The following ANKIB1 variants were observed in gnomAD, a reference collection of about 807,000 sequenced individuals.
ANKIB1 encodes ankyrin repeat and IBR domain-containing protein 1.
In ANKIB1, 43 loss-of-function variants were observed where a neutral mutation model predicts 122.1. The ratio of observed to expected loss-of-function variants is 0.35; its 90% CI spans 0.28 to 0.45. ANKIB1 has a LOEUF of 0.45. Ranked by LOEUF, ANKIB1 falls within the 20% of genes least tolerant of loss-of-function variation. ANKIB1 has a pLI of 1.00. For synonymous variants in ANKIB1, 390 were observed against 442.0 expected, an observed-to-expected ratio of 0.88 and a Z score of 1.48; for missense variants, 992 against 1,329.5, an observed-to-expected ratio of 0.75 and a Z score of 3.95.
rs181338159 is a variant in ANKIB1, at chr7:92,395,436, C to A, written c.2284-929C>A. Among the ~76,000 whole-genome samples, 6 of 152,076 alleles carry A rather than the reference C, an allele frequency of 3.9e-5. No individual in the cohort carries two copies. In the East Asian group the frequency reaches 1.2e-3, roughly 29 times the overall value. On this transcript the variant is annotated intron_variant, in intron 17 of 19. Transcript: ENST00000265742. ...TTTGTGAATATGATATGTAGTAGTC[C>A]CAAAGAATAGAAAATCCAACAATCT...
chr7:92,352,692 G>A, intron 9 of ANKIB1, 50 bp downstream of exon 9: 2 of 1,544,922 alleles, frequency 1.3e-6, no homozygotes, highest in Non-Finnish European at 1.7e-6. Flanking sequence ...CTTTCCAATA[G>A]TTATTAAAGA....
intron 4 of ANKIB1, among the ~76,000 whole-genome samples, chr7:92,324,970 T>A (rs958675507): frequency 6.6e-6 from 1 of 152,184 alleles, no homozygotes; most frequent in African/African-American, 2.4e-5. Context: ...TAAAAGTAAG[T>A]GAACATGTAA....
At chr7:92,388,538 G>A (rs965050317) in intron 14 of ANKIB1, among the ~76,000 whole-genome samples, 8 of 152,354 alleles carry the variant, frequency 5.3e-5, no homozygotes, top group Admixed American at 2.0e-4. Flanking sequence ...AAGCCATGAG[G>A]TGGAGCTAAC....
chr7:92,396,012 C>G (rs2115725042), intron 17 of ANKIB1: 1 of 216,942 alleles, frequency 4.6e-6, no homozygotes, highest in Non-Finnish European at 9.0e-6. Flanking sequence ...AATAAAAAAC[C>G]TCCCTTCAAG....
At chr7:92,290,746 A>G (rs1466896593) in intron 1 of ANKIB1, among the ~76,000 whole-genome samples, 1 of 152,194 alleles carries the variant, frequency 6.6e-6, no homozygotes. Flanking sequence ...TTATTAACCT[A>G]TCAATGGTGC....
chr7:92,278,189 T>G (rs1316839641), intron 1 of ANKIB1, among the ~76,000 whole-genome samples: 1 of 152,050 alleles, frequency 6.6e-6, no homozygotes, highest in Admixed American at 6.5e-5. Context: ...AGTTCAAGGT[T>G]TCAGTGAGCT....
At chr7:92,293,704 T>G (rs975509734) in intron 1 of ANKIB1, among the ~76,000 whole-genome samples, 4 of 152,234 alleles carry the variant, frequency 2.6e-5, no homozygotes, top group African/African-American at 9.6e-5. Context: ...GTAAGTTCCT[T>G]ATCTGGTCCC....
chr7:92,304,274 GCTA>G (rs1309305630), intron 2 of ANKIB1, among the ~76,000 whole-genome samples: 2 of 152,066 alleles, frequency 1.3e-5, no homozygotes, highest in Non-Finnish European at 2.9e-5. Context: ...ATGCAGATAT[GCTA>G]CTGTGTCTAA....
rs1441663196 is a variant in ANKIB1 at position 92,400,837 on chromosome 7, C to A, written c.*1888C>A. On this transcript the variant is annotated 3_prime_UTR_variant, in exon 20 of 20. Transcript: ENST00000265742. ...CTACAGTGTATTACTGTATATTAAACTGAAATAGTCCATTAAAGGATTTTT... is the reference window on the plus strand; with the variant it reads ...CTACAGTGTATTACTGTATATTAAAATGAAATAGTCCATTAAAGGATTTTT... 1.3e-5 allele frequency: 2 copies of A among 152,138 alleles called. No homozygotes were observed. The highest frequency in any genetic ancestry group is 6.5e-5 in the Admixed American group (1 of 15,270). The allele number at this position is 152,138 out of a possible 1,614,324, so 9.4% of individuals were successfully genotyped here.
intron 7 of ANKIB1, among the ~76,000 whole-genome samples, chr7:92,348,971 G>A (rs1166888038): frequency 1.3e-5 from 2 of 152,198 alleles, no homozygotes; most frequent in Non-Finnish European, 2.9e-5. Context: ...ATTGAGAAGT[G>A]AATGAGATGG....
chr7:92,386,440 G>A, intron 11 of ANKIB1, 69 bp from the exon 12 acceptor site: 2 of 1,425,214 alleles, frequency 1.4e-6, no homozygotes, highest in Non-Finnish European at 1.9e-6. Flanking sequence ...CAGATTGGTT[G>A]GCTATAAAGC....
At chr7:92,392,874 T>C (rs1804815931) in intron 17 of ANKIB1, among the ~76,000 whole-genome samples, 1 of 152,082 alleles carries the variant, frequency 6.6e-6, no homozygotes, top group Non-Finnish European at 1.5e-5. Context: ...ACACTACAGA[T>C]AGCAGTTGTG....
intron 12 of ANKIB1, 39 bp from the exon 13 acceptor site, chr7:92,387,759 A>C (rs769606330): frequency 4.0e-6 from 6 of 1,508,574 alleles, no homozygotes; most frequent in Non-Finnish European, 5.4e-6. Context: ...AGTAGCTACT[A>C]GTTTTTATAA....
intron 1 of ANKIB1, among the ~76,000 whole-genome samples, chr7:92,270,220 G>A (rs1360762685): frequency 1.3e-5 from 2 of 151,954 alleles, no homozygotes; most frequent in East Asian, 1.9e-4. Context: ...ATGCCACCAT[G>A]CCTGGCTAAA....
intron 1 of ANKIB1, among the ~76,000 whole-genome samples, chr7:92,287,079 A>G (rs1368066643): frequency 5.9e-5 from 9 of 152,144 alleles, no homozygotes; most frequent in African/African-American, 2.2e-4. Context: ...GTAATTTTAG[A>G]CTTATGGAAA....
chr7:92,319,507 C>T lies in ANKIB1; in HGVS notation c.664C>T (p.Arg222Ter). 3 of 1,597,070 alleles carry T rather than the reference C, an allele frequency of 1.9e-6. No homozygotes were observed. The highest frequency in any genetic ancestry group is 2.6e-6 in the Non-Finnish European group (3 of 1,175,850). Residue 222 changes from arginine to a stop codon, truncating the protein, a stop_gained, in exon 4 of 20, where the codon CGA becomes TGA. Transcript: ENST00000265742. LOFTEE classifies it high-confidence loss of function. ...IEAEYAALDKREPYEGLRPQD... is the reference protein window; with the variant it reads ...IEAEYAALDK ...AGCTGAATATGCTGCATTAGACAAACGAGAGGTCAGTTTATTTTTTCTTCT... is the reference window on the plus strand; with the variant it reads ...AGCTGAATATGCTGCATTAGACAAATGAGAGGTCAGTTTATTTTTTCTTCT...
At chr7:92,335,843 C>G (rs942297503) in intron 5 of ANKIB1, among the ~76,000 whole-genome samples, 1 of 151,890 alleles carries the variant, frequency 6.6e-6, no homozygotes, top group African/African-American at 2.4e-5. Context: ...TTTTTGTTCT[C>G]TGTTCCTCCT....
intron 9 of ANKIB1, among the ~76,000 whole-genome samples, chr7:92,360,418 C>G (rs1391054652): frequency 6.6e-6 from 1 of 152,084 alleles, no homozygotes; most frequent in Admixed American, 6.6e-5. Context: ...CTTCTTATGG[C>G]TGAATATTCA....
intron 1 of ANKIB1, among the ~76,000 whole-genome samples, chr7:92,278,385 A>G (rs1462898479): frequency 1.3e-5 from 2 of 152,210 alleles, no homozygotes; most frequent in Non-Finnish European, 2.9e-5. Flanking sequence ...TTGAGTTCAA[A>G]GTGCTGAAGA....
Sources: gnomAD v4.1 joint callset for allele counts (sites outside exome capture counted in the v4.1 genomes callset) on GRCh38, gnomAD v4.1.1 for gene constraint, MANE v1.5 for transcripts, NCBI Gene and HGNC (gene_info 2026-07-23, HGNC 2026-07-21) for gene names.